The following GALNT7 variants were observed in gnomAD, a reference collection of about 807,000 sequenced individuals.
GALNT7 encodes the protein polypeptide N-acetylgalactosaminyltransferase 7.
In GALNT7, 60 loss-of-function variants were observed where a neutral mutation model predicts 82.1. That is an observed-to-expected ratio of 0.73 (90% CI 0.59 to 0.91). GALNT7 has a LOEUF of 0.91. Ranked by LOEUF, GALNT7 falls within the 40% of genes least tolerant of loss-of-function variation. The pLI is 0.00. For synonymous variants in GALNT7, 243 were observed against 275.1 expected, an observed-to-expected ratio of 0.88 and a Z score of 1.15; for missense variants, 660 against 804.2, an observed-to-expected ratio of 0.82 and a Z score of 2.17.
At chr4:173,180,961 A>C (rs1178707540) in intron 1 of GALNT7, among the ~76,000 whole-genome samples, 1 of 152,212 alleles carries the variant, frequency 6.6e-6, no homozygotes, top group Non-Finnish European at 1.5e-5. Context: ...TTTGAAAGGA[A>C]GTGTTTAAAC....
At chr4:173,225,401 C>T (rs1346201578) in intron 1 of GALNT7, among the ~76,000 whole-genome samples, 1 of 152,178 alleles carries the variant, frequency 6.6e-6, no homozygotes, top group Non-Finnish European at 1.5e-5. Flanking sequence ...AGCTTAGAAG[C>T]TACTGGCATG....
intron 1 of GALNT7, among the ~76,000 whole-genome samples, chr4:173,229,464 T>C (rs535416518): frequency 1.8e-4 from 28 of 152,318 alleles, no homozygotes; most frequent in Non-Finnish European, 3.1e-4. Flanking sequence ...AGAAGTTCCC[T>C]AGAAATTCTA....
intron 1 of GALNT7, among the ~76,000 whole-genome samples, chr4:173,194,861 A>G (rs554446292): frequency 6.6e-6 from 1 of 152,032 alleles, no homozygotes; most frequent in East Asian, 1.9e-4. Flanking sequence ...TCTGGTTTTC[A>G]GCCATAGTAG....
At chr4:173,209,654 C>T (rs1184939750) in intron 1 of GALNT7, among the ~76,000 whole-genome samples, 1 of 152,222 alleles carries the variant, frequency 6.6e-6, no homozygotes, top group Non-Finnish European at 1.5e-5. Flanking sequence ...GCATCTGACC[C>T]AGCCTCCATC....
chr4:173,278,814 T>C (rs1382844439), intron 2 of GALNT7, among the ~76,000 whole-genome samples: 1 of 152,232 alleles, frequency 6.6e-6, no homozygotes, highest in African/African-American at 2.4e-5. Flanking sequence ...ATTGTAGCAG[T>C]CCTTTTTGGG....
intron 1 of GALNT7, among the ~76,000 whole-genome samples, chr4:173,238,227 A>C (rs1213399126): frequency 6.6e-6 from 1 of 151,988 alleles, no homozygotes; most frequent in East Asian, 1.9e-4. Flanking sequence ...CACTTTCCCA[A>C]TACCTTTCTT....
chr4:173,170,697 ATTTGT>A (rs1731831454), intron 1 of GALNT7, among the ~76,000 whole-genome samples: 1 of 152,340 alleles, frequency 6.6e-6, no homozygotes, highest in East Asian at 1.9e-4. Flanking sequence ...AATTGAGGAT[ATTTGT>A]TTTAAGTCAT....
intron 1 of GALNT7, among the ~76,000 whole-genome samples, chr4:173,237,288 T>A (rs917388097): frequency 3.3e-5 from 5 of 152,224 alleles, no homozygotes; most frequent in African/African-American, 1.2e-4. Context: ...ATACTTTTTT[T>A]ATGAGCTGTT....
At chr4:173,247,901 C>A in intron 1 of GALNT7, 79 bp from the exon 2 acceptor site, 1 of 890,012 alleles carries the variant, frequency 1.1e-6, no homozygotes, top group Non-Finnish European at 1.7e-6. Flanking sequence ...TTTTTCAAAA[C>A]CTGAAAATTG....
Position 173,184,470 on chromosome 4 carries a change from C to T in GALNT7, c.126+15509C>T, listed in dbSNP as rs554803365. ...AAAACCAGTCAGGCATGGTGGCGCC[C>T]GCCTGCAATCCCAGGCACTCGGCAG... On this transcript the variant is annotated intron_variant, in intron 1 of 11. Transcript: ENST00000265000. Among the ~76,000 whole-genome samples, 48 of 151,842 alleles carry T rather than the reference C, an allele frequency of 3.2e-4. No homozygotes were observed. The East Asian group carries it at 6.2e-3, about 20-fold the overall frequency.
intron 5 of GALNT7, chr4:173,297,754 T>G: frequency 1.3e-5 from 14 of 1,086,160 alleles, no homozygotes; most frequent in Admixed American, 3.4e-5. Flanking sequence ...GAACTAGTCT[T>G]GGGTTCTTAA....
chr4:173,203,657 G>A lies in GALNT7; in HGVS notation c.126+34696G>A, dbSNP rs186839740. Among the ~76,000 whole-genome samples the A allele has an allele frequency of 2.0e-3, 308 of 151,996 alleles. 1 individual carries two copies. The highest frequency in any genetic ancestry group is 7.1e-3 in the African/African-American group (296 of 41,442). ...TAGGTTTTCTTTGTGGTTACCGTTA[G>A]GTTTATATACAACATCATCTAGTTA... On this transcript the variant is annotated intron_variant, in intron 1 of 11. Transcript: ENST00000265000.
intron 1 of GALNT7, among the ~76,000 whole-genome samples, chr4:173,241,758 G>T (rs1734441684): frequency 6.6e-6 from 1 of 152,118 alleles, no homozygotes; most frequent in East Asian, 1.9e-4. Flanking sequence ...TATAGTACAG[G>T]ATAGATCTGT....
intron 1 of GALNT7, among the ~76,000 whole-genome samples, chr4:173,200,382 A>T (rs1732908586): frequency 2.0e-5 from 3 of 152,140 alleles, no homozygotes; most frequent in Admixed American, 2.0e-4. Context: ...TATGTCATAC[A>T]TGCTGTCATG....
At chr4:173,223,993 T>C (rs1206455676) in intron 1 of GALNT7, among the ~76,000 whole-genome samples, 1 of 152,004 alleles carries the variant, frequency 6.6e-6, no homozygotes, top group East Asian at 1.9e-4. Context: ...TTCATGGTGG[T>C]AAGTAGCAGA....
At chr4:173,274,393 T>C (rs558262429) in intron 2 of GALNT7, among the ~76,000 whole-genome samples, 1 of 152,316 alleles carries the variant, frequency 6.6e-6, no homozygotes, top group East Asian at 1.9e-4. Flanking sequence ...TTCCTGGGTA[T>C]TGGGTGAAAA....
At chr4:173,216,728 T>TATATATATATATATATATATA (rs374031950) in intron 1 of GALNT7, among the ~76,000 whole-genome samples, 6 of 8,050 alleles carry the variant, frequency 7.5e-4, no homozygotes, top group East Asian at 1.8e-3. Context: ...TATATATATA[T>TATATATATATATATATATATA]TTTTTTTTTT....
chr4:173,189,024 C>T (rs907767803), intron 1 of GALNT7, among the ~76,000 whole-genome samples: 18 of 152,166 alleles, frequency 1.2e-4, no homozygotes, highest in Admixed American at 7.2e-4. Flanking sequence ...AAATACTCTT[C>T]GTCTCCCTGG....
chr4:173,308,815 A>T (rs1737258891), intron 8 of GALNT7, among the ~76,000 whole-genome samples: 1 of 152,206 alleles, frequency 6.6e-6, no homozygotes, highest in Non-Finnish European at 1.5e-5. Flanking sequence ...AGGCAGGAGA[A>T]TCGCTTGAAC....
Sources: allele counts gnomAD v4.1 joint callset (sites outside exome capture counted in the v4.1 genomes callset), GRCh38; gene constraint gnomAD v4.1.1; transcripts MANE v1.5; gene names NCBI Gene and HGNC (gene_info 2026-07-23, HGNC 2026-07-21).